Variants in RARB observed in about 807,000 individuals in gnomAD.
RARB encodes HBV-activated protein.
A neutral mutation model predicts 51.9 loss-of-function variants in RARB; 17 were observed. The observed-to-expected ratio is 0.33, with a 90% CI of 0.22 to 0.49. The LOEUF is 0.49. Ranked by LOEUF, RARB falls within the 20% of genes least tolerant of loss-of-function variation. RARB has a pLI of 0.99. For missense variants in RARB, 369 were observed against 550.8 expected (o/e 0.67, Z 3.30); for synonymous variants, 215 against 195.4 (o/e 1.10, Z -0.84).
At chr3:25,005,424 A>G (rs972790452) in intron 2 of RARB, among the ~76,000 whole-genome samples, 3 of 152,166 alleles carry the variant, frequency 2.0e-5, no homozygotes, top group African/African-American at 7.2e-5. Flanking sequence ...CTGGCACTGG[A>G]GGATTGGCTT....
At chr3:25,150,287 T>A (rs369231233) in intron 4 of RARB, among the ~76,000 whole-genome samples, 1 of 152,174 alleles carries the variant, frequency 6.6e-6, no homozygotes, top group African/African-American at 2.4e-5. Flanking sequence ...CTAGTTCATC[T>A]GACAAACAGA....
chr3:24,999,863 A>G (rs902834278), intron 2 of RARB, among the ~76,000 whole-genome samples: 2 of 152,288 alleles, frequency 1.3e-5, no homozygotes, highest in Non-Finnish European at 1.5e-5. Flanking sequence ...AAATGGCCCC[A>G]GACAACTCCA....
intron 2 of RARB, among the ~76,000 whole-genome samples, chr3:24,948,449 G>A (rs1435388204): frequency 6.6e-6 from 1 of 152,172 alleles, no homozygotes; most frequent in East Asian, 1.9e-4. Flanking sequence ...GTTTGTTTAT[G>A]CCCATCCTTT....
intron 2 of RARB, among the ~76,000 whole-genome samples, chr3:25,000,894 CTT>C (rs746103519): frequency 1.9e-4 from 29 of 152,188 alleles, no homozygotes; most frequent in South Asian, 4.1e-4. Context: ...CAAATTGTGA[CTT>C]TTTCAACAGA....
At chr3:24,977,245 C>T (rs1575101241) in intron 2 of RARB, among the ~76,000 whole-genome samples, 2 of 152,246 alleles carry the variant, frequency 1.3e-5, no homozygotes, top group African/African-American at 4.8e-5. Flanking sequence ...GCTATATGGG[C>T]TCTTTTTTGG....
chr3:25,219,203 T>C (rs1012721908), intron 5 of RARB, among the ~76,000 whole-genome samples: 4 of 152,034 alleles, frequency 2.6e-5, no homozygotes, highest in African/African-American at 9.7e-5. Context: ...AGTTTCCTAT[T>C]AAAGTCATTT....
At chr3:24,978,732 T>C (rs916068330) in intron 2 of RARB, among the ~76,000 whole-genome samples, 4 of 151,374 alleles carry the variant, frequency 2.6e-5, no homozygotes, top group African/African-American at 9.7e-5. Context: ...TTTTGAAGGG[T>C]TTTTGTGTCT....
At chr3:25,567,732 C>G (rs1034419985) in intron 3 of RARB, among the ~76,000 whole-genome samples, 1 of 152,176 alleles carries the variant, frequency 6.6e-6, no homozygotes, top group African/African-American at 2.4e-5. Context: ...AGTACTCTTC[C>G]TCGGGGCTCT....
chr3:25,519,021 T>C (rs1005010760), intron 3 of RARB, among the ~76,000 whole-genome samples: 7 of 152,212 alleles, frequency 4.6e-5, no homozygotes, highest in African/African-American at 1.7e-4. Context: ...GAACTTCACC[T>C]ACACAGAGTC....
chr3:25,396,877 A>T (rs1220507551), intron 5 of RARB, among the ~76,000 whole-genome samples: 1 of 152,118 alleles, frequency 6.6e-6, no homozygotes, highest in Non-Finnish European at 1.5e-5. Context: ...GTTTCACTCC[A>T]ACTGTGCCCC....
At chr3:25,205,988 T>C (rs1235642813) in intron 5 of RARB, among the ~76,000 whole-genome samples, 2 of 152,208 alleles carry the variant, frequency 1.3e-5, no homozygotes, top group Non-Finnish European at 2.9e-5. Context: ...GTAGTCTAAG[T>C]GTTCCAAGCA....
At chr3:24,873,907 T>G (rs1702994149) in intron 2 of RARB, among the ~76,000 whole-genome samples, 1 of 152,088 alleles carries the variant, frequency 6.6e-6, no homozygotes, top group Admixed American at 6.5e-5. Context: ...CCATAGGTTT[T>G]GCATCCATGG....
intron 5 of RARB, among the ~76,000 whole-genome samples, chr3:25,223,814 T>C (rs1419294512): frequency 6.6e-6 from 1 of 152,244 alleles, no homozygotes; most frequent in African/African-American, 2.4e-5. Flanking sequence ...CAGATCTATT[T>C]TTAGCACTAT....
chr3:25,212,043 G>T (rs970465123), intron 5 of RARB, among the ~76,000 whole-genome samples: 1 of 152,100 alleles, frequency 6.6e-6, no homozygotes, highest in African/African-American at 2.4e-5. Context: ...GGGTATTTCT[G>T]TTTAGTGGGT....
intron 3 of RARB, among the ~76,000 whole-genome samples, chr3:25,567,734 C>T (rs1469112986): frequency 2.6e-5 from 4 of 152,154 alleles, no homozygotes; most frequent in Non-Finnish European, 5.9e-5. Context: ...TACTCTTCCT[C>T]GGGGCTCTGT....
intron 3 of RARB, among the ~76,000 whole-genome samples, chr3:25,560,936 A>G (rs938976244): frequency 9.9e-5 from 15 of 152,174 alleles, no homozygotes; most frequent in African/African-American, 3.4e-4. Flanking sequence ...GGCTCCCACT[A>G]TTTTTGTTCA....
At chr3:25,423,595 T>G (rs1440095220), upstream of RARB, among the ~76,000 whole-genome samples, 1 of 152,240 alleles carries the variant, frequency 6.6e-6, no homozygotes, top group Admixed American at 6.5e-5. Context: ...ATTCAACATT[T>G]AATGAATACA....
At chr3:25,112,441 T>C (rs1699618766) in intron 3 of RARB, among the ~76,000 whole-genome samples, 1 of 152,154 alleles carries the variant, frequency 6.6e-6, no homozygotes, top group African/African-American at 2.4e-5. Flanking sequence ...GTTTTGTTTT[T>C]TCTCATTGTT....
intron 3 of RARB, among the ~76,000 whole-genome samples, chr3:25,061,251 T>C (rs985952530): frequency 2.0e-5 from 3 of 151,882 alleles, no homozygotes; most frequent in Non-Finnish European, 4.4e-5. Context: ...CGTTATTATT[T>C]TGGGAGAAAG....
Sources: allele counts gnomAD v4.1 joint callset (sites outside exome capture counted in the v4.1 genomes callset), GRCh38; gene constraint gnomAD v4.1.1; transcripts MANE v1.5; gene names NCBI Gene and HGNC (gene_info 2026-07-23, HGNC 2026-07-21).